NLGN4Y: variants seen among roughly 807,000 people sequenced by gnomAD.
The protein encoded by NLGN4Y is neuroligin 4 Y-linked.
Under a neutral mutation model 8.4 loss-of-function variants are expected in NLGN4Y, and 4 were observed. The observed-to-expected ratio is 0.48, with a 90% confidence interval of 0.23 to 1.09. NLGN4Y has a LOEUF of 1.09. NLGN4Y is among the 50% of genes least tolerant of loss of function. The pLI is 0.19. For missense variants in NLGN4Y, 90 were observed against 192.3 expected (o/e 0.47, Z 3.15); for synonymous variants, 35 against 75.6 (o/e 0.46, Z 2.78).
At chrY:14,545,563 G>A in intron 1 of NLGN4Y, among the ~76,000 whole-genome samples, 1 of 33,474 alleles carries the variant, frequency 3.0e-5, no homozygotes, top group South Asian at 6.7e-4. Flanking sequence ...GTGTTTTTTG[G>A]CTGCATAAAT....
chrY:14,831,589 T>C, intron 6 of NLGN4Y, among the ~76,000 whole-genome samples: 1 of 29,828 alleles, frequency 3.4e-5, no homozygotes, highest in Admixed American at 3.3e-4. Flanking sequence ...TCTGTGTATA[T>C]ACATATACAA....
chrY:14,637,739 G>A (rs928106858), intron 2 of NLGN4Y, among the ~76,000 whole-genome samples: 1 of 32,258 alleles, frequency 3.1e-5, no homozygotes, highest in African/African-American at 1.2e-4. Context: ...TCCCTGAAAT[G>A]CCAAGCCCAT....
At chrY:14,579,114 G>A (rs2080307927) in intron 1 of NLGN4Y, among the ~76,000 whole-genome samples, 1 of 34,224 alleles carries the variant, frequency 2.9e-5, no homozygotes, top group Admixed American at 2.7e-4. Flanking sequence ...AAGTAATTAA[G>A]ACATCAGATT....
At chrY:14,583,762 G>C in intron 1 of NLGN4Y, among the ~76,000 whole-genome samples, 1 of 33,723 alleles carries the variant, frequency 3.0e-5, no homozygotes, top group South Asian at 6.6e-4. Context: ...GTTTGTCTTT[G>C]ACCTTCCTTT....
At chrY:14,816,088 A>G (rs763572009) in intron 4 of NLGN4Y, among the ~76,000 whole-genome samples, 5 of 33,803 alleles carry the variant, frequency 1.5e-4, no homozygotes, top group African/African-American at 5.8e-4. Flanking sequence ...AGTGTTCTCA[A>G]TACACATATG....
At chrY:14,781,351 T>G in intron 4 of NLGN4Y, among the ~76,000 whole-genome samples, 1 of 33,909 alleles carries the variant, frequency 2.9e-5, no homozygotes, top group Non-Finnish European at 7.3e-5. Flanking sequence ...AGAACAAGTT[T>G]ATTCCGATTT....
At chrY:14,717,236 A>C in intron 2 of NLGN4Y, among the ~76,000 whole-genome samples, 1 of 33,661 alleles carries the variant, frequency 3.0e-5, no homozygotes, top group African/African-American at 1.2e-4. Flanking sequence ...TACTAAAAAT[A>C]CAAAAAAATT....
chrY:14,826,585 G>A (rs2043147867), intron 5 of NLGN4Y, among the ~76,000 whole-genome samples: 1 of 32,487 alleles, frequency 3.1e-5, no homozygotes, highest in South Asian at 7.1e-4. Context: ...GATGTGATCC[G>A]CCTGCCTCAG....
intron 5 of NLGN4Y, among the ~76,000 whole-genome samples, chrY:14,825,872 G>T: frequency 3.0e-5 from 1 of 33,356 alleles, no homozygotes; most frequent in East Asian, 7.8e-4. Flanking sequence ...GTGGTAGTTA[G>T]CATAGGCAAC....
At chrY:14,639,154 G>A in intron 2 of NLGN4Y, 1 of 93,025 alleles carries the variant, frequency 1.1e-5, no homozygotes, top group Admixed American at 1.5e-4. Context: ...ACTGGGCTCT[G>A]CCTCCTGGCC....
intron 2 of NLGN4Y, among the ~76,000 whole-genome samples, chrY:14,698,749 C>T (rs2080839990): frequency 3.1e-5 from 1 of 32,653 alleles, no homozygotes; most frequent in African/African-American, 1.2e-4. Context: ...CAATCATGTT[C>T]ACATCTTTTC....
intron 6 of NLGN4Y, 99 bp downstream of exon 6, chrY:14,830,618 C>A: frequency 4.3e-6 from 1 of 234,377 alleles, no homozygotes; most frequent in Non-Finnish European, 7.4e-6. Flanking sequence ...AGCACACATG[C>A]ATGCACACAT....
rs756476105 is a variant in NLGN4Y at position 14,610,746 on chromosome Y, C to T, written c.-111-11263C>T. Among the ~76,000 whole-genome samples the T allele has an allele frequency of 1.9e-4, 6 of 32,309 alleles. No individual in the cohort carries two copies. In the South Asian group the frequency reaches 4.2e-3, roughly 23 times the overall value. The allele number at this position is 32,309 out of a possible 37,273, so 86.7% of individuals were successfully genotyped here. A position where few individuals can be genotyped will look rare whatever the true frequency, so the allele number is the denominator to read the frequency against. On this transcript the variant is annotated intron_variant, in intron 1 of 6. Transcript: ENST00000684976. ...GCTTGGTCCGGAGCTGAGTTCAAGT[C>T]CTGAATATATTTGTTAATTTTTTGT...
intron 1 of NLGN4Y, among the ~76,000 whole-genome samples, chrY:14,576,548 G>A (rs2080299977): frequency 3.0e-5 from 1 of 32,817 alleles, no homozygotes; most frequent in Non-Finnish European, 7.5e-5. Flanking sequence ...CAGGTGAGGC[G>A]ATGCCTCACC....
intron 1 of NLGN4Y, among the ~76,000 whole-genome samples, chrY:14,548,787 C>T: frequency 3.0e-5 from 1 of 33,182 alleles, no homozygotes; most frequent in Admixed American, 2.8e-4. Flanking sequence ...ACATTCTGTT[C>T]TCCTAATTTT....
intron 1 of NLGN4Y, among the ~76,000 whole-genome samples, chrY:14,590,403 C>T: frequency 3.0e-5 from 1 of 33,705 alleles, no homozygotes. Flanking sequence ...GGCCAATGAC[C>T]GCTTTGGCTA....
chrY:14,739,237 G>C, intron 4 of NLGN4Y, among the ~76,000 whole-genome samples: 1 of 32,090 alleles, frequency 3.1e-5, no homozygotes, highest in East Asian at 8.3e-4. Flanking sequence ...TGAATAGCTG[G>C]GACTACAGTT....
intron 1 of NLGN4Y, among the ~76,000 whole-genome samples, chrY:14,571,204 AG>A (rs2080268170): frequency 3.0e-5 from 1 of 33,591 alleles, no homozygotes; most frequent in Non-Finnish European, 7.4e-5. Context: ...ACTAGTTTAT[AG>A]TACCACCAAC....
At chrY:14,833,093 G>A (rs777569919) in intron 6 of NLGN4Y, among the ~76,000 whole-genome samples, 62 of 33,124 alleles carry the variant, frequency 1.9e-3, no homozygotes, top group South Asian at 8.3e-3. Context: ...GTTCCTTGCT[G>A]AGAAAAAGAA....
Sources: gnomAD v4.1 joint callset for allele counts (sites outside exome capture counted in the v4.1 genomes callset) on GRCh38, gnomAD v4.1.1 for gene constraint, MANE v1.5 for transcripts, NCBI Gene and HGNC (gene_info 2026-07-23, HGNC 2026-07-21) for gene names.